Variants in PCDHA12 observed in about 807,000 individuals in gnomAD.
PCDHA12 encodes the protein protocadherin alpha 12.
In PCDHA12, 44 loss-of-function variants were observed where a neutral mutation model predicts 60.0. That is an observed-to-expected ratio of 0.73 (90% CI 0.58 to 0.94). The LOEUF is 0.94. PCDHA12 is among the 40% of genes least tolerant of loss of function. The pLI, the probability that PCDHA12 is intolerant of heterozygous loss-of-function variation, is 0.00. For missense variants in PCDHA12, 1,276 were observed against 1,239.7 expected (o/e 1.03, Z -0.44); for synonymous variants, 569 against 553.0 (o/e 1.03, Z -0.40).
chr5:140,981,691 T>C (rs1370541525), intron 2 of PCDHA12, among the ~76,000 whole-genome samples: 1 of 150,826 alleles, frequency 6.6e-6, no homozygotes, highest in East Asian at 2.1e-4. Flanking sequence ...CCTTCCATCA[T>C]TCATTCATTC....
At chr5:140,892,819 A>G (rs551280418) in intron 1 of PCDHA12, among the ~76,000 whole-genome samples, 2 of 152,304 alleles carry the variant, frequency 1.3e-5, no homozygotes, top group South Asian at 4.1e-4. Context: ...TTTATCCTAC[A>G]GTGCTACAGT....
chr5:140,924,901 A>AATAAAAT lies in PCDHA12; in HGVS notation c.2367+47063_2367+47064insTAAAATA, dbSNP rs145282866. On this transcript the variant is annotated intron_variant, in intron 1 of 3. Transcript: ENST00000398631. The stretch of plus-strand genomic sequence containing the variant: ...CAGAGCAAGAACCTGTCTCAAAAAA[A>AATAAAAT]AAAATAAAATAAAATAAAATAAAAT... 2.3e-3 allele frequency among the ~76,000 whole-genome samples: 186 copies of AATAAAAT among 80,480 alleles called. 2 individuals carry two copies. The highest frequency in any genetic ancestry group is 0.012 in the Middle Eastern group (2 of 162). The allele number at this position is 80,480 out of a possible 152,430, so 52.8% of individuals were successfully genotyped here. A position where few individuals can be genotyped will look rare whatever the true frequency, so the allele number is the denominator to read the frequency against.
intron 1 of PCDHA12, chr5:140,968,755 A>G: frequency 6.2e-7 from 1 of 1,614,200 alleles, no homozygotes. Flanking sequence ...TGGTGGTCCG[A>G]GATAATGGAG....
chr5:140,969,331 G>A, intron 1 of PCDHA12: 1 of 1,614,042 alleles, frequency 6.2e-7, no homozygotes, highest in Non-Finnish European at 8.5e-7. Context: ...CTCAAAATGA[G>A]GTGAGACAGT....
chr5:140,909,895 C>A (rs1296442880), intron 1 of PCDHA12, among the ~76,000 whole-genome samples: 1 of 152,152 alleles, frequency 6.6e-6, no homozygotes, highest in Non-Finnish European at 1.5e-5. Context: ...GTTCAGTAGT[C>A]CCTGAAATGG....
intron 1 of PCDHA12, chr5:140,966,499 A>C (rs960365429): frequency 1.4e-5 from 6 of 431,834 alleles, no homozygotes; most frequent in Non-Finnish European, 2.4e-5. Context: ...CTGGAGCTGT[A>C]GCGGCAGCAG....
intron 1 of PCDHA12, among the ~76,000 whole-genome samples, chr5:140,901,030 C>G (rs1382384435): frequency 6.6e-6 from 1 of 152,116 alleles, no homozygotes; most frequent in Admixed American, 6.5e-5. Context: ...CTATTCAACT[C>G]TTTTGCCCAT....
rs1554168160 is a variant in PCDHA12 at position 140,875,992 on chromosome 5, CT to C, written c.521del (p.Leu174GlnfsTer9). 5 of 1,613,752 alleles carry C rather than the reference CT, an allele frequency of 3.1e-6. No homozygotes were observed. In the Admixed American group the frequency reaches 8.3e-5, roughly 27 times the overall value. On this transcript the variant is annotated frameshift_variant, in exon 1 of 4. Transcript: ENST00000398631. LOFTEE classifies it high-confidence loss of function. ...CTCTCTTTTGACCTATGCGTTAAGT[CT>C]AAATGAGAATTTTGAGCTTAAAATA... ...VNSLLTYALS[L>X]NENFELKIKT...
chr5:140,928,146 A>G, intron 1 of PCDHA12: 1 of 1,614,222 alleles, frequency 6.2e-7, no homozygotes, highest in African/African-American at 1.3e-5. Flanking sequence ...TCACGGCCTC[A>G]GATAGTGGCT....
intron 1 of PCDHA12, among the ~76,000 whole-genome samples, chr5:140,963,916 T>A (rs186370400): frequency 2.0e-5 from 3 of 152,356 alleles, no homozygotes; most frequent in East Asian, 3.9e-4. Flanking sequence ...AAGCTTAGGC[T>A]AAGTAACATG....
chr5:140,880,365 C>A (rs1462418898), intron 1 of PCDHA12, among the ~76,000 whole-genome samples: 1 of 151,976 alleles, frequency 6.6e-6, no homozygotes, highest in Non-Finnish European at 1.5e-5. Flanking sequence ...TAGATGAAAA[C>A]CATGAGAGAA....
At chr5:140,966,889 C>T in intron 1 of PCDHA12, 1 of 1,593,902 alleles carries the variant, frequency 6.3e-7, no homozygotes, top group Non-Finnish European at 8.5e-7. Flanking sequence ...GCCCTGCGGC[C>T]TCCCAGCTGC....
In PCDHA12 at chr5:140,904,046, T is replaced by C. The variant is rs2153483198; in HGVS notation, c.2367+26207T>C. 2.0e-5 allele frequency among the ~76,000 whole-genome samples: 3 copies of C among 152,346 alleles called. No homozygotes were observed. The East Asian group carries it at 5.8e-4, about 29-fold the overall frequency. ...GTATAATTTAACTTTTTAATTTTTT[T>C]ATTTCAATGGGTTTTTGGGGAACAG... On this transcript the variant is annotated intron_variant, in intron 1 of 3. Coordinates refer to ENST00000398631, the MANE Select transcript of PCDHA12 (RefSeq NM_018903.4).
intron 3 of PCDHA12, among the ~76,000 whole-genome samples, chr5:141,006,790 T>A (rs1318848521): frequency 6.6e-6 from 1 of 152,130 alleles, no homozygotes; most frequent in African/African-American, 2.4e-5. Context: ...AATAATTAGC[T>A]TTGAACTTTC....
chr5:140,982,218 G>T, intron 2 of PCDHA12: 1 of 523,694 alleles, frequency 1.9e-6, no homozygotes, highest in South Asian at 3.9e-5. Flanking sequence ...GCCACATGGC[G>T]TTAATAAAAA....
intron 1 of PCDHA12, chr5:140,928,901 T>A (rs781842258): frequency 6.2e-7 from 1 of 1,614,212 alleles, no homozygotes. Flanking sequence ...TTTGAAGATG[T>A]CTGGGAACCA....
intron 2 of PCDHA12, among the ~76,000 whole-genome samples, chr5:140,982,139 A>G (rs1381844546): frequency 1.3e-5 from 2 of 152,260 alleles, no homozygotes; most frequent in Non-Finnish European, 2.9e-5. Flanking sequence ...AGCCCTCCTC[A>G]TCTGCTTCAG....
chr5:140,929,232 G>A lies in PCDHA12; in HGVS notation c.2368-49717G>A, dbSNP rs782109734. On this transcript the variant is annotated intron_variant, in intron 1 of 3. Coordinates refer to ENST00000398631, the MANE Select transcript of PCDHA12 (RefSeq NM_018903.4). ...GTGGGGAGTACAATGCTGCCGACCTGCGAAATCTTGCCACTGGGGTAGGAC... is the reference window on the plus strand; with the variant it reads ...GTGGGGAGTACAATGCTGCCGACCTACGAAATCTTGCCACTGGGGTAGGAC... 2.5e-6 allele frequency: 4 copies of A among 1,613,756 alleles called. No individual in the cohort carries two copies. In the Admixed American group the frequency reaches 5.0e-5, roughly 20 times the overall value.
intron 1 of PCDHA12, among the ~76,000 whole-genome samples, chr5:140,932,550 A>T (rs552367725): frequency 2.6e-5 from 4 of 152,058 alleles, no homozygotes; most frequent in Admixed American, 2.0e-4. Context: ...TTTAACATAC[A>T]TTCCACAAGT....
Sources: allele counts gnomAD v4.1 joint callset (sites outside exome capture counted in the v4.1 genomes callset), GRCh38; gene constraint gnomAD v4.1.1; transcripts MANE v1.5; gene names NCBI Gene and HGNC (gene_info 2026-07-23, HGNC 2026-07-21).